The following DYNC2H1 variants were observed in gnomAD, a reference collection of about 807,000 sequenced individuals.
DYNC2H1 encodes cytoplasmic dynein 2 heavy chain 1.
A neutral mutation model predicts 570.0 loss-of-function variants in DYNC2H1; 410 were observed. That is an observed-to-expected ratio of 0.72 (90% CI 0.66 to 0.78). The LOEUF (loss-of-function observed/expected upper bound fraction) is 0.78, where lower values mean the gene tolerates loss of function less well. Ranked by LOEUF, DYNC2H1 falls within the 30% of genes least tolerant of loss-of-function variation. The pLI is 0.00. For synonymous variants in DYNC2H1, 1,688 were observed against 1,677.6 expected, an observed-to-expected ratio of 1.01 and a Z score of -0.15; for missense variants, 4,865 against 5,046.4, an observed-to-expected ratio of 0.96 and a Z score of 1.09.
Position 103,179,115 on chromosome 11 carries a change from AC to A in DYNC2H1, c.6230del (p.Thr2077IlefsTer23), listed in dbSNP as rs1244587343. ...TGTTCTGGATGATAATCGACTGCTGACTATGCCCAGTGGAGAAAGGATTCAG... is the reference window on the plus strand; with the variant it reads ...TGTTCTGGATGATAATCGACTGCTGATATGCCCAGTGGAGAAAGGATTCAG... Reference protein sequence around the residue: ...NSVLDDNRLLTMPSGERIQFG... With the variant: ...NSVLDDNRLLXMPSGERIQFG... On this transcript the variant is annotated frameshift_variant, in exon 39 of 89. Transcript: ENST00000375735. LOFTEE classifies it high-confidence loss of function. 10 of 1,613,200 alleles carry A rather than the reference AC, an allele frequency of 6.2e-6. No homozygotes were observed. The highest frequency in any genetic ancestry group is 1.3e-5 in the African/African-American group (1 of 75,010).
At position 103,446,244 on chromosome 11, in the gene DYNC2H1, T is replaced by G. The variant is rs1310195148; in HGVS notation, c.12457-8942T>G. ...CATATCAACATAGTGTTTAAAACCATAGGAATGGCCAAGTATCTGGCACTG... is the reference window on the plus strand; with the variant it reads ...CATATCAACATAGTGTTTAAAACCAGAGGAATGGCCAAGTATCTGGCACTG... On this transcript the variant is annotated intron_variant, in intron 85 of 88. Transcript: ENST00000375735. The surrounding 1 kb of genome is among the most constrained non-coding windows in gnomAD (Gnocchi z 4.5). Among the ~76,000 whole-genome samples, 1 of 152,144 alleles carries G rather than the reference T, an allele frequency of 6.6e-6. No individual in the cohort carries two copies. The highest frequency in any genetic ancestry group is 1.5e-5 in the Non-Finnish European group (1 of 68,024).
chr11:103,419,087 G>A (rs1017345890), intron 84 of DYNC2H1, among the ~76,000 whole-genome samples: 3 of 151,888 alleles, frequency 2.0e-5, no homozygotes, highest in Non-Finnish European at 2.9e-5. Context: ...AAGACCCACT[G>A]GCCTGGAATT....
At chr11:103,470,485 G>A (rs111479122) in intron 88 of DYNC2H1, among the ~76,000 whole-genome samples, 5,738 of 152,016 alleles carry the variant, frequency 0.038, 144 homozygotes, top group Non-Finnish European at 0.054. Context: ...GGTTTGTTAC[G>A]TATGTATACA....
chr11:103,370,520 C>A (rs1178195647), intron 83 of DYNC2H1, among the ~76,000 whole-genome samples: 1 of 152,150 alleles, frequency 6.6e-6, no homozygotes, highest in Non-Finnish European at 1.5e-5. Flanking sequence ...TTGGCAAGAC[C>A]TAGTGCTGTG....
intron 84 of DYNC2H1, chr11:103,401,893 A>T (rs1035489121): frequency 6.6e-6 from 1 of 152,144 alleles, no homozygotes; most frequent in South Asian, 2.1e-4. Flanking sequence ...TTCTCATCTC[A>T]GGAAGAGGTA....
intron 82 of DYNC2H1, among the ~76,000 whole-genome samples, chr11:103,331,425 G>A (rs1469277771): frequency 6.6e-6 from 1 of 152,088 alleles, no homozygotes; most frequent in Non-Finnish European, 1.5e-5. Context: ...TAAGTAAAAG[G>A]AATCTGTAGA....
At chr11:103,175,307 A>G (rs1037881823) in intron 36 of DYNC2H1, among the ~76,000 whole-genome samples, 20 of 152,204 alleles carry the variant, frequency 1.3e-4, no homozygotes, top group African/African-American at 4.8e-4. Context: ...CATCTACATT[A>G]GCTGTATTAT....
At chr11:103,263,776 A>G (rs1270549153) in intron 70 of DYNC2H1, among the ~76,000 whole-genome samples, 2 of 152,062 alleles carry the variant, frequency 1.3e-5, no homozygotes, top group Non-Finnish European at 2.9e-5. Flanking sequence ...TCTAAAATCA[A>G]CCCCCTAACA....
At chr11:103,291,089 A>G (rs981038954) in intron 75 of DYNC2H1, among the ~76,000 whole-genome samples, 3 of 152,216 alleles carry the variant, frequency 2.0e-5, no homozygotes, top group Non-Finnish European at 4.4e-5. Flanking sequence ...ATCAGGCTAC[A>G]TATAACCTGT....
At chr11:103,349,674 C>T (rs900441167) in intron 82 of DYNC2H1, among the ~76,000 whole-genome samples, 15 of 152,090 alleles carry the variant, frequency 9.9e-5, no homozygotes, top group African/African-American at 2.2e-4. Flanking sequence ...AAATACACTT[C>T]GGTGACAGGT....
At chr11:103,357,834 C>T (rs1230254159) in intron 82 of DYNC2H1, among the ~76,000 whole-genome samples, 1 of 152,122 alleles carries the variant, frequency 6.6e-6, no homozygotes, top group African/African-American at 2.4e-5. Context: ...CCTGTAATCC[C>T]AGCTAGTAGG....
chr11:103,385,822 C>T (rs966274574), intron 83 of DYNC2H1, among the ~76,000 whole-genome samples: 24 of 152,156 alleles, frequency 1.6e-4, no homozygotes, highest in Admixed American at 5.2e-4. Flanking sequence ...CCTTCTTCCT[C>T]TTTATAAGCA....
In DYNC2H1 at chr11:103,157,512, C is replaced by T. The variant is rs1422233499; in HGVS notation, c.4127+742C>T. 6.6e-6 allele frequency among the ~76,000 whole-genome samples: 1 copy of T among 152,230 alleles called. No homozygotes were observed. The highest frequency in any genetic ancestry group is 6.5e-5 in the Admixed American group (1 of 15,286). On this transcript the variant is annotated intron_variant, in intron 26 of 88. Coordinates refer to ENST00000375735, the MANE Select transcript of DYNC2H1 (RefSeq NM_001377.3). The surrounding 1 kb of genome is among the most constrained non-coding windows in gnomAD (Gnocchi z 4.2). ...CTGAAAGCAGAGACATGATGGATAA[C>T]TTTGATATCTCCCTCTTCCTCCACT... is the stretch of plus-strand genomic sequence containing the variant.
At chr11:103,414,107 T>C (rs1357345905) in intron 84 of DYNC2H1, among the ~76,000 whole-genome samples, 1 of 152,094 alleles carries the variant, frequency 6.6e-6, no homozygotes, top group African/African-American at 2.4e-5. Flanking sequence ...GAGGTATGCA[T>C]AATGAGCCAA....
At chr11:103,348,749 G>C (rs944184388) in intron 82 of DYNC2H1, among the ~76,000 whole-genome samples, 3 of 152,072 alleles carry the variant, frequency 2.0e-5, no homozygotes, top group Non-Finnish European at 4.4e-5. Flanking sequence ...TGGTTTGGCT[G>C]TGCCCTCACC....
intron 43 of DYNC2H1, 71 bp downstream of exon 43, chr11:103,187,657 A>G (rs945566994): frequency 1.3e-5 from 20 of 1,544,626 alleles, no homozygotes; most frequent in East Asian, 7.0e-5. Flanking sequence ...TTCTTAGAAA[A>G]TATTCATTCT....
chr11:103,376,653 C>T (rs1941405673), intron 83 of DYNC2H1, among the ~76,000 whole-genome samples: 1 of 152,168 alleles, frequency 6.6e-6, no homozygotes, highest in African/African-American at 2.4e-5. Context: ...TCCTTAGCCA[C>T]TATTTGTAGC....
At chr11:103,282,622 A>G (rs999223844) in intron 72 of DYNC2H1, among the ~76,000 whole-genome samples, 1 of 151,928 alleles carries the variant, frequency 6.6e-6, no homozygotes, top group African/African-American at 2.4e-5. Context: ...TTTTCCTACT[A>G]ATTTCCTATT....
chr11:103,148,094 C>A (rs1383682472), intron 19 of DYNC2H1, among the ~76,000 whole-genome samples: 1 of 152,090 alleles, frequency 6.6e-6, no homozygotes, highest in South Asian at 2.1e-4. Flanking sequence ...TAGATTGTTG[C>A]ATATGTAGCT....
Sources: gnomAD v4.1 joint callset for allele counts (sites outside exome capture counted in the v4.1 genomes callset) on GRCh38, gnomAD v4.1.1 for gene constraint, Gnocchi (gnomAD v3.1) non-coding constraint, MANE v1.5 for transcripts, NCBI Gene and HGNC (gene_info 2026-07-23, HGNC 2026-07-21) for gene names.